SYT14: variants seen among roughly 807,000 people sequenced by gnomAD.
SYT14 encodes the protein synaptotagmin-14.
In SYT14, 32 loss-of-function variants were observed where a neutral mutation model predicts 74.2. The observed-to-expected ratio is 0.43, with a 90% CI of 0.33 to 0.58. The LOEUF (loss-of-function observed/expected upper bound fraction) is 0.58. Ranked by LOEUF, SYT14 falls within the 20% of genes least tolerant of loss-of-function variation. The probability of loss-of-function intolerance (pLI) is 0.05; values close to 1 mark genes in which losing one functional copy is unlikely to be tolerated. For synonymous variants in SYT14, 298 were observed against 337.7 expected, an observed-to-expected ratio of 0.88 and a Z score of 1.29; for missense variants, 791 against 981.8, an observed-to-expected ratio of 0.81 and a Z score of 2.60.
At chr1:210,112,753 A>G (rs1284271507) in intron 7 of SYT14, among the ~76,000 whole-genome samples, 3 of 151,382 alleles carry the variant, frequency 2.0e-5, no homozygotes, top group Non-Finnish European at 2.9e-5. Context: ...GGCATTAATG[A>G]TGGAGGACCC....
intron 5 of SYT14, among the ~76,000 whole-genome samples, chr1:210,037,673 A>G (rs1005044097): frequency 1.3e-5 from 2 of 151,722 alleles, no homozygotes; most frequent in African/African-American, 4.8e-5. Context: ...TTAAATTTCT[A>G]TCTTAATTTT....
At chr1:210,044,378 T>G (rs553727322) in intron 5 of SYT14, among the ~76,000 whole-genome samples, 41 of 152,350 alleles carry the variant, frequency 2.7e-4, no homozygotes, top group African/African-American at 9.6e-4. Flanking sequence ...ATAATAAGTT[T>G]AGATAATGTT....
Position 210,155,758 on chromosome 1 carries a change from G to A in SYT14, c.2072G>A (p.Cys691Tyr). Residue 691 changes from cysteine to tyrosine, a missense_variant, in exon 8 of 10, where the codon TGT becomes TAT. Cys to Tyr is a radical substitution (Grantham distance 194). Coordinates refer to ENST00000637265, the Ensembl canonical transcript of SYT14. Reference sequence around the variant, plus strand: ...CAAATGAGCGTGTCAGAAATGTCGTGTAGTGAAAGTACATCCTCATGTCAG... The same window carrying A: ...CAAATGAGCGTGTCAGAAATGTCGTATAGTGAAAGTACATCCTCATGTCAG... 2.5e-6 allele frequency: 4 copies of A among 1,614,064 alleles called. No homozygotes were observed. In the South Asian group the frequency reaches 4.4e-5, roughly 18 times the overall value.
At chr1:210,100,833 A>G (rs538938468) in intron 7 of SYT14, among the ~76,000 whole-genome samples, 38 of 152,170 alleles carry the variant, frequency 2.5e-4, no homozygotes, top group Non-Finnish European at 4.6e-4. Context: ...ATTAAGAAGT[A>G]TCAGCCCCAT....
chr1:210,083,573 A>C (rs1318732663), intron 5 of SYT14, among the ~76,000 whole-genome samples: 1 of 149,028 alleles, frequency 6.7e-6, no homozygotes, highest in African/African-American at 2.5e-5. Flanking sequence ...GCTAATTTTC[A>C]ATTTTTTTTT....
intron 1 of SYT14, among the ~76,000 whole-genome samples, chr1:209,942,457 T>C (rs1326438536): frequency 1.4e-5 from 2 of 147,842 alleles, no homozygotes; most frequent in Non-Finnish European, 3.0e-5. Context: ...CAACCTTGCA[T>C]TATAGTTCAC....
At chr1:210,147,290 A>C (rs964132254) in intron 7 of SYT14, among the ~76,000 whole-genome samples, 1 of 152,174 alleles carries the variant, frequency 6.6e-6, no homozygotes, top group Non-Finnish European at 1.5e-5. Context: ...AAAGTTTTGG[A>C]GAGTGGAATA....
intron 7 of SYT14, among the ~76,000 whole-genome samples, chr1:210,154,588 G>A (rs528034930): frequency 6.6e-6 from 1 of 152,000 alleles, no homozygotes; most frequent in Non-Finnish European, 1.5e-5. Flanking sequence ...CCTGATCATT[G>A]TTATTCGTCC....
At chr1:209,954,923 C>T (rs970274062) in intron 2 of SYT14, among the ~76,000 whole-genome samples, 3 of 152,130 alleles carry the variant, frequency 2.0e-5, no homozygotes, top group Non-Finnish European at 4.4e-5. Flanking sequence ...CCAGGCTGGT[C>T]TCGAATTCGT....
At chr1:210,019,216 G>A (rs2080253527) in intron 4 of SYT14, among the ~76,000 whole-genome samples, 1 of 150,448 alleles carries the variant, frequency 6.6e-6, no homozygotes, top group Non-Finnish European at 1.5e-5. Context: ...TTTTTTAATA[G>A]GTGAAGTTTG....
chr1:209,964,137 G>T (rs1351283474), intron 2 of SYT14, among the ~76,000 whole-genome samples: 1 of 152,106 alleles, frequency 6.6e-6, no homozygotes, highest in African/African-American at 2.4e-5. Flanking sequence ...CATGGGGGCA[G>T]GTTCCCCCAT....
At position 210,142,752 on chromosome 1, in the gene SYT14, A is replaced by C. The variant is rs556441789; in HGVS notation, c.2035-12969A>C. 1.3e-3 allele frequency among the ~76,000 whole-genome samples: 191 copies of C among 151,320 alleles called. 1 individual carries two copies. Among genetic ancestry groups the C allele is most frequent in the African/African-American group, 4.4e-3 (181 of 41,516 alleles). On this transcript the variant is annotated intron_variant, in intron 7 of 9. Transcript: ENST00000637265. ...GACCTCTCCTGTGCCTGCTCTCTGC[A>C]CCCCTTCCTCCCCCATTTCCCACTG...
exon 10 of SYT14, chr1:210,161,821 G>A (rs1195511484): frequency 2.2e-6 from 1 of 453,614 alleles, no homozygotes; most frequent in East Asian, 7.0e-5. Context: ...AGCACTTCCT[G>A]TATTCTTGTA....
intron 7 of SYT14, among the ~76,000 whole-genome samples, chr1:210,148,493 AG>A (rs2102691977): frequency 7.0e-6 from 1 of 142,592 alleles, no homozygotes; most frequent in African/African-American, 2.7e-5. Context: ...TGGGCGACAG[AG>A]CAAAACTCCG....
chr1:210,153,496 ATT>A (rs1274792947), intron 7 of SYT14, among the ~76,000 whole-genome samples: 1 of 152,118 alleles, frequency 6.6e-6, no homozygotes, highest in Admixed American at 6.5e-5. Context: ...CTTGCATATC[ATT>A]TGTTACATTT....
Position 210,128,611 on chromosome 1 carries a change from G to A in SYT14, c.2035-27110G>A, listed in dbSNP as rs73074125. Among the ~76,000 whole-genome samples the A allele has an allele frequency of 2.8e-3, 429 of 152,228 alleles. 3 individuals carry two copies. Among genetic ancestry groups the A allele is most frequent in the African/African-American group, 9.8e-3 (409 of 41,530 alleles). On this transcript the variant is annotated intron_variant, in intron 7 of 9. Transcript: ENST00000637265. Reference sequence around the variant, plus strand: ...TTAAAATGCAAAATTAGTAGCTGAAGTGTTTGTTCTGAAACAGATCCACTA... The same window carrying A: ...TTAAAATGCAAAATTAGTAGCTGAAATGTTTGTTCTGAAACAGATCCACTA...
intron 2 of SYT14, among the ~76,000 whole-genome samples, chr1:210,010,591 A>G (rs140991849): frequency 1.3e-5 from 2 of 152,234 alleles, no homozygotes; most frequent in African/African-American, 4.8e-5. Context: ...TGCTCCAGTA[A>G]TAATTTATAG....
rs562783959 is a variant in SYT14 at position 210,028,086 on chromosome 1, A to G, written c.1312+6832A>G. 3.3e-5 allele frequency among the ~76,000 whole-genome samples: 5 copies of G among 152,252 alleles called. No individual in the cohort carries two copies. The East Asian group carries it at 9.7e-4, about 29-fold the overall frequency. On this transcript the variant is annotated intron_variant, in intron 5 of 9. Coordinates refer to ENST00000637265, the Ensembl canonical transcript of SYT14. ...TTATTCTGTCATCCCAGCCTCTGATAACCAATATTCTACTTTCTGTCTCTA... is the reference window on the plus strand; with the variant it reads ...TTATTCTGTCATCCCAGCCTCTGATGACCAATATTCTACTTTCTGTCTCTA...
chr1:209,984,503 A>C (rs2079539753), intron 2 of SYT14, among the ~76,000 whole-genome samples: 1 of 152,172 alleles, frequency 6.6e-6, no homozygotes, highest in South Asian at 2.1e-4. Context: ...ATCTTTTAAA[A>C]ATTTTTAAAT....
Sources: allele counts gnomAD v4.1 joint callset (sites outside exome capture counted in the v4.1 genomes callset), GRCh38; gene constraint gnomAD v4.1.1; transcripts MANE v1.5; gene names NCBI Gene and HGNC (gene_info 2026-07-23, HGNC 2026-07-21).